The following NCKAP5 variants were observed in gnomAD, a reference collection of about 807,000 sequenced individuals.
The protein encoded by NCKAP5 is nck-associated protein 5.
NCKAP5 carries 92 observed loss-of-function variants against 167.0 expected under a neutral mutation model. That is an observed-to-expected ratio of 0.55 (90% CI 0.47 to 0.66). The LOEUF (loss-of-function observed/expected upper bound fraction) is 0.66. NCKAP5 is among the 30% of genes least tolerant of loss of function. The pLI is 0.00. For missense variants in NCKAP5, 2,378 were observed against 2,315.0 expected, an observed-to-expected ratio of 1.03 and a Z score of -0.56; for synonymous variants, 891 against 877.4, an observed-to-expected ratio of 1.02 and a Z score of -0.27.
At chr2:132,967,751 A>G (rs1472653734) in intron 7 of NCKAP5, among the ~76,000 whole-genome samples, 1 of 152,204 alleles carries the variant, frequency 6.6e-6, no homozygotes, top group Non-Finnish European at 1.5e-5. Context: ...CCATGAAATT[A>G]TATTCTAATG....
At chr2:133,223,634 C>T (rs76350726) in intron 4 of NCKAP5, among the ~76,000 whole-genome samples, 2 of 152,048 alleles carry the variant, frequency 1.3e-5, no homozygotes, top group Admixed American at 1.3e-4. Flanking sequence ...TACTTTTTTC[C>T]AATACGTAAC....
intron 3 of NCKAP5, among the ~76,000 whole-genome samples, chr2:133,458,055 A>C (rs1371588525): frequency 1.3e-5 from 2 of 152,164 alleles, no homozygotes; most frequent in South Asian, 2.1e-4. Context: ...CCTGGAGGCT[A>C]TGTTAAAAAT....
chr2:132,808,928 A>G (rs1049530456), intron 11 of NCKAP5, among the ~76,000 whole-genome samples: 2 of 151,980 alleles, frequency 1.3e-5, no homozygotes, highest in African/African-American at 4.8e-5. Flanking sequence ...TCCTCTTAGC[A>G]CTGCCTTTGC....
intron 4 of NCKAP5, among the ~76,000 whole-genome samples, chr2:133,240,631 C>T (rs750984724): frequency 3.3e-5 from 5 of 152,206 alleles, no homozygotes; most frequent in Non-Finnish European, 2.9e-5. Flanking sequence ...GTACGTATAA[C>T]TTGGGTACTT....
intron 5 of NCKAP5, among the ~76,000 whole-genome samples, chr2:133,136,948 T>C (rs558609013): frequency 1.3e-4 from 20 of 152,310 alleles, no homozygotes; most frequent in African/African-American, 4.6e-4. Flanking sequence ...AGAATCTAAA[T>C]TGACACCTGT....
chr2:133,153,803 T>A (rs2083466043), intron 5 of NCKAP5, among the ~76,000 whole-genome samples: 1 of 150,544 alleles, frequency 6.6e-6, no homozygotes, highest in Non-Finnish European at 1.5e-5. Flanking sequence ...CTATGCATCT[T>A]CCGAGGCCCA....
intron 4 of NCKAP5, among the ~76,000 whole-genome samples, chr2:133,237,115 C>T (rs2087458942): frequency 6.6e-6 from 1 of 151,910 alleles, no homozygotes; most frequent in African/African-American, 2.4e-5. Flanking sequence ...AAGAAATGCT[C>T]CTATTGGCTG....
At chr2:132,964,158 A>G (rs1422410338) in intron 7 of NCKAP5, among the ~76,000 whole-genome samples, 1 of 152,166 alleles carries the variant, frequency 6.6e-6, no homozygotes, top group African/African-American at 2.4e-5. Context: ...GGTTAATCCA[A>G]TTTTATCTGC....
At chr2:133,238,438 A>G (rs16822420) in intron 4 of NCKAP5, among the ~76,000 whole-genome samples, 3,974 of 152,216 alleles carry the variant, frequency 0.026, 159 homozygotes, top group African/African-American at 0.086. Context: ...ATGACTAACT[A>G]TAGAAGGCTC....
intron 3 of NCKAP5, among the ~76,000 whole-genome samples, chr2:133,512,113 T>C (rs565681358): frequency 6.6e-6 from 1 of 152,324 alleles, no homozygotes; most frequent in Non-Finnish European, 1.5e-5. Flanking sequence ...TTAGTATTCA[T>C]AACCCACTAG....
chr2:133,465,203 C>T (rs1045236009), intron 3 of NCKAP5, among the ~76,000 whole-genome samples: 5 of 139,454 alleles, frequency 3.6e-5, no homozygotes, highest in African/African-American at 1.3e-4. Context: ...ATTCCCCTTC[C>T]TGTGTCCATG....
At chr2:133,584,985 G>A in the NCKAP5 span, among the ~76,000 whole-genome samples, 2 of 141,382 alleles carry the variant, frequency 1.4e-5, no homozygotes, top group Admixed American at 1.4e-4. Flanking sequence ...AAGGAAGGAA[G>A]GAAGGAAGGA....
At chr2:133,195,913 G>C (rs2085416456) in intron 5 of NCKAP5, among the ~76,000 whole-genome samples, 1 of 152,090 alleles carries the variant, frequency 6.6e-6, no homozygotes, top group Admixed American at 6.6e-5. Context: ...ATGCCTGTTA[G>C]AGAAGTAAAG....
chr2:133,065,169 A>G (rs13413161), intron 6 of NCKAP5, among the ~76,000 whole-genome samples: 11,508 of 152,280 alleles, frequency 0.076, 580 homozygotes, highest in East Asian at 0.19. Context: ...ACAGCCTGAC[A>G]ACAGCCATAG....
intron 3 of NCKAP5, among the ~76,000 whole-genome samples, chr2:133,472,559 A>G (rs1679437687): frequency 6.6e-6 from 1 of 151,986 alleles, no homozygotes. Flanking sequence ...GCCTCCTTCC[A>G]CACGTCTCTT....
intron 3 of NCKAP5, among the ~76,000 whole-genome samples, chr2:133,494,191 A>T (rs565886900): frequency 6.6e-6 from 1 of 152,184 alleles, no homozygotes; most frequent in Non-Finnish European, 1.5e-5. Context: ...AATTTGAGAC[A>T]GACCCTTCAT....
chr2:133,639,178 G>T, the NCKAP5 span, among the ~76,000 whole-genome samples: 1 of 152,140 alleles, frequency 6.6e-6, no homozygotes, highest in Non-Finnish European at 1.5e-5. Flanking sequence ...TCAATTGTTG[G>T]AAAGGATGTA....
At chr2:133,181,603 C>CAAAAAAAAAAAAAAAAAAAA (rs34264277) in intron 5 of NCKAP5, among the ~76,000 whole-genome samples, 3 of 71,152 alleles carry the variant, frequency 4.2e-5, no homozygotes, top group African/African-American at 1.7e-4. Flanking sequence ...CCCATCTCTA[C>CAAAAAAAAAAAAAAAAAAAA]AAAAAAAAAA....
At chr2:133,173,586 T>C (rs951282019) in intron 5 of NCKAP5, among the ~76,000 whole-genome samples, 1 of 152,110 alleles carries the variant, frequency 6.6e-6, no homozygotes, top group African/African-American at 2.4e-5. Flanking sequence ...AATCCCCCCT[T>C]ACCACCCACT....
Sources: allele counts gnomAD v4.1 joint callset (sites outside exome capture counted in the v4.1 genomes callset), GRCh38; gene constraint gnomAD v4.1.1; transcripts MANE v1.5; gene names NCBI Gene and HGNC (gene_info 2026-07-23, HGNC 2026-07-21).